SPOCK3: variants seen among roughly 807,000 people sequenced by gnomAD.
SPOCK3 encodes SPARC (osteonectin), cwcv and kazal like domains proteoglycan 3.
In SPOCK3, 30 loss-of-function variants were observed where a neutral mutation model predicts 56.6. That is an observed-to-expected ratio of 0.53 (90% CI 0.40 to 0.72). The LOEUF (loss-of-function observed/expected upper bound fraction) is 0.72, where lower values mean the gene tolerates loss of function less well. Among genes scored for constraint, SPOCK3 ranks in the 30% least tolerant of loss-of-function variants. The pLI is 0.00. For missense variants in SPOCK3, 527 were observed against 530.0 expected (o/e 0.99, Z 0.06); for synonymous variants, 196 against 183.3 (o/e 1.07, Z -0.56).
chr4:166,774,084 T>G (rs1739259540), intron 7 of SPOCK3, among the ~76,000 whole-genome samples: 1 of 152,238 alleles, frequency 6.6e-6, no homozygotes, highest in Non-Finnish European at 1.5e-5. Context: ...TAATGTTATA[T>G]AATAATCACA....
At chr4:166,941,073 G>A (rs1741005628) in intron 4 of SPOCK3, among the ~76,000 whole-genome samples, 1 of 152,020 alleles carries the variant, frequency 6.6e-6, no homozygotes, top group South Asian at 2.1e-4. Context: ...AAAGCAAGAA[G>A]TCAAGAACCA....
chr4:166,828,903 G>C (rs746088901), intron 6 of SPOCK3, among the ~76,000 whole-genome samples: 8 of 151,914 alleles, frequency 5.3e-5, no homozygotes, highest in Non-Finnish European at 1.0e-4. Context: ...TAATAGAGAG[G>C]AATGTGCTGA....
chr4:167,161,489 T>G (rs1232694319), intron 2 of SPOCK3, among the ~76,000 whole-genome samples: 1 of 152,156 alleles, frequency 6.6e-6, no homozygotes, highest in Admixed American at 6.6e-5. Flanking sequence ...TGGCAATTCC[T>G]CAGGGATCTA....
chr4:167,034,335 A>G (rs908611421), intron 3 of SPOCK3, among the ~76,000 whole-genome samples: 1 of 152,016 alleles, frequency 6.6e-6, no homozygotes, highest in African/African-American at 2.4e-5. Context: ...AAAATAACAA[A>G]AAAAAAAGAA....
chr4:166,901,712 CA>C (rs1175648131), intron 5 of SPOCK3, among the ~76,000 whole-genome samples: 1 of 152,026 alleles, frequency 6.6e-6, no homozygotes, highest in Non-Finnish European at 1.5e-5. Flanking sequence ...ACACATAAGG[CA>C]AAAGCCACGT....
intron 8 of SPOCK3, among the ~76,000 whole-genome samples, chr4:166,742,271 A>G (rs1322347674): frequency 1.3e-5 from 2 of 150,930 alleles, no homozygotes; most frequent in Admixed American, 1.3e-4. Flanking sequence ...CTATCTATCT[A>G]TCTATCTAAT....
intron 3 of SPOCK3, chr4:167,011,254 T>C (rs887462925): frequency 6.6e-6 from 3 of 455,822 alleles, no homozygotes; most frequent in Admixed American, 2.4e-5. Context: ...AAGGCAGTTA[T>C]GGCAATATTC....
At chr4:166,745,112 C>A (rs1735414754) in intron 8 of SPOCK3, among the ~76,000 whole-genome samples, 2 of 152,106 alleles carry the variant, frequency 1.3e-5, no homozygotes, top group South Asian at 4.1e-4. Flanking sequence ...GGTAGGCCAA[C>A]ATTCAAATTC....
At chr4:166,982,116 A>T (rs912813302) in intron 4 of SPOCK3, among the ~76,000 whole-genome samples, 3 of 152,100 alleles carry the variant, frequency 2.0e-5, no homozygotes, top group African/African-American at 7.2e-5. Flanking sequence ...CTGAACCAGC[A>T]GGGGGCCAGG....
In SPOCK3 at chr4:166,899,675, C is replaced by T. The variant is rs182223611; in HGVS notation, c.475-10431G>A. Among the ~76,000 whole-genome samples, 33 of 151,968 alleles carry T rather than the reference C, an allele frequency of 2.2e-4. No individual in the cohort carries two copies. In the East Asian group the frequency reaches 4.7e-3, roughly 22 times the overall value. Reference sequence around the variant, plus strand: ...GGGATTACAGGCACACGCCACCATGCCCGTCTAATTTTTGTATTTTTAGTA... The same window carrying T: ...GGGATTACAGGCACACGCCACCATGTCCGTCTAATTTTTGTATTTTTAGTA... On this transcript the variant is annotated intron_variant, in intron 5 of 10. Transcript: ENST00000357545.
intron 2 of SPOCK3, among the ~76,000 whole-genome samples, chr4:167,090,172 T>A (rs952087768): frequency 6.6e-6 from 1 of 152,198 alleles, no homozygotes; most frequent in Admixed American, 6.5e-5. Flanking sequence ...ACGGTATGTG[T>A]AGGTTTAACT....
At chr4:166,973,746 G>C (rs772350218) in intron 4 of SPOCK3, among the ~76,000 whole-genome samples, 3 of 152,134 alleles carry the variant, frequency 2.0e-5, no homozygotes, top group Non-Finnish European at 4.4e-5. Context: ...TTGATCACAA[G>C]TTGATTTAAT....
At chr4:166,912,486 C>G in intron 5 of SPOCK3, 134 bp downstream of exon 5, 1 of 934,544 alleles carries the variant, frequency 1.1e-6, no homozygotes, top group Non-Finnish European at 1.6e-6. Flanking sequence ...TATTCCAAAC[C>G]AGTGAGATTA....
At chr4:166,855,019 T>G (rs1052411837) in intron 6 of SPOCK3, among the ~76,000 whole-genome samples, 1 of 152,194 alleles carries the variant, frequency 6.6e-6, no homozygotes, top group African/African-American at 2.4e-5. Flanking sequence ...TTGATGTTCC[T>G]TTATCTGCCT....
intron 3 of SPOCK3, among the ~76,000 whole-genome samples, chr4:167,021,298 A>C (rs922324145): frequency 1.3e-5 from 2 of 152,070 alleles, no homozygotes; most frequent in Non-Finnish European, 1.5e-5. Flanking sequence ...TATAAATCTT[A>C]TACACTTCAG....
chr4:166,746,317 A>G (rs1240440580), intron 8 of SPOCK3, among the ~76,000 whole-genome samples: 1 of 152,250 alleles, frequency 6.6e-6, no homozygotes, highest in Non-Finnish European at 1.5e-5. Flanking sequence ...CAATCAAATT[A>G]GAACTCAGGA....
chr4:167,072,647 T>C (rs1756790985), intron 2 of SPOCK3, among the ~76,000 whole-genome samples: 1 of 151,972 alleles, frequency 6.6e-6, no homozygotes, highest in African/African-American at 2.4e-5. Context: ...TCTCAAATCT[T>C]AATGTCTCCA....
intron 2 of SPOCK3, among the ~76,000 whole-genome samples, chr4:167,186,978 CAA>C (rs67424272): frequency 0.015 from 1,362 of 88,374 alleles, 13 homozygotes; most frequent in Middle Eastern, 0.022. Flanking sequence ...CTCTGTGCCT[CAA>C]AAAAAAAAAA....
intron 2 of SPOCK3, among the ~76,000 whole-genome samples, chr4:167,227,522 G>C (rs574642582): frequency 5.0e-4 from 76 of 152,174 alleles, no homozygotes; most frequent in Non-Finnish European, 1.0e-3. Flanking sequence ...GTGAGTTGTA[G>C]GATCATGGAG....
Sources: gnomAD v4.1 joint callset for allele counts (sites outside exome capture counted in the v4.1 genomes callset) on GRCh38, gnomAD v4.1.1 for gene constraint, MANE v1.5 for transcripts, NCBI Gene and HGNC (gene_info 2026-07-23, HGNC 2026-07-21) for gene names.